The following RBFOX1 variants were observed in gnomAD, a reference collection of about 807,000 sequenced individuals.
RBFOX1 encodes RNA binding fox-1 homolog 1.
Under a neutral mutation model 57.7 loss-of-function variants are expected in RBFOX1, and 8 were observed. That is an observed-to-expected ratio of 0.14 (90% confidence interval 0.08 to 0.25). The LOEUF (loss-of-function observed/expected upper bound fraction) is 0.25, where lower values mean the gene tolerates loss of function less well. RBFOX1 is among the 10% of genes least tolerant of loss of function. The probability of loss-of-function intolerance (pLI) is 1.00; values close to 1 mark genes in which losing one functional copy is unlikely to be tolerated. For missense variants in RBFOX1, 611 were observed against 548.5 expected, an observed-to-expected ratio of 1.11 and a Z score of -1.14; for synonymous variants, 326 against 222.4, an observed-to-expected ratio of 1.47 and a Z score of -4.15.
intron 11 of RBFOX1, among the ~76,000 whole-genome samples, chr16:7,639,013 C>G (rs141063750): frequency 3.8e-4 from 57 of 151,388 alleles, no homozygotes; most frequent in African/African-American, 1.3e-3. Flanking sequence ...AGATAGGTAC[C>G]CTTCTCCTGG....
chr16:5,669,226 T>G (rs2049941855), intron 3 of RBFOX1, among the ~76,000 whole-genome samples: 1 of 152,040 alleles, frequency 6.6e-6, no homozygotes, highest in South Asian at 2.1e-4. Context: ...TGTCCTTTCC[T>G]TCTGTTTTTG....
At chr16:5,606,786 G>A (rs534309213) in intron 3 of RBFOX1, among the ~76,000 whole-genome samples, 11 of 152,214 alleles carry the variant, frequency 7.2e-5, no homozygotes, top group African/African-American at 1.2e-4. Flanking sequence ...AGTGGGAGTC[G>A]TAACACTGAT....
intron 4 of RBFOX1, among the ~76,000 whole-genome samples, chr16:7,374,993 G>A (rs1173296489): frequency 1.3e-5 from 2 of 152,216 alleles, no homozygotes; most frequent in Non-Finnish European, 2.9e-5. Context: ...GTCTTGGTGA[G>A]AGGAGATGTA....
chr16:6,435,784 C>T (rs1192654481), intron 2 of RBFOX1, among the ~76,000 whole-genome samples: 1 of 152,064 alleles, frequency 6.6e-6, no homozygotes, highest in Non-Finnish European at 1.5e-5. Context: ...CTAGATTGTT[C>T]ATTTTAATCA....
intron 1 of RBFOX1, among the ~76,000 whole-genome samples, chr16:6,145,951 A>G (rs370209327): frequency 2.6e-5 from 4 of 152,130 alleles, no homozygotes; most frequent in East Asian, 1.9e-4. Context: ...ATCCAGCTCT[A>G]TACTCTCCCA....
At chr16:7,394,235 C>CAAAAAAAA (rs59934126) in intron 4 of RBFOX1, among the ~76,000 whole-genome samples, 71 of 55,028 alleles carry the variant, frequency 1.3e-3, no homozygotes, top group African/African-American at 2.7e-3. Context: ...GACTCCGCAT[C>CAAAAAAAA]AAAAAAAAAA....
chr16:7,662,681 G>C (rs1323644746), intron 12 of RBFOX1, among the ~76,000 whole-genome samples: 1 of 152,174 alleles, frequency 6.6e-6, no homozygotes, highest in African/African-American at 2.4e-5. Flanking sequence ...AAATGATGCT[G>C]GTGTTCATAA....
intron 1 of RBFOX1, among the ~76,000 whole-genome samples, chr16:6,229,123 A>G (rs1444637170): frequency 6.6e-6 from 1 of 152,066 alleles, no homozygotes; most frequent in Non-Finnish European, 1.5e-5. Flanking sequence ...ATCCTCTGAG[A>G]CGTAGTTAAG....
chr16:7,366,456 G>A (rs993150314), intron 4 of RBFOX1, among the ~76,000 whole-genome samples: 1 of 152,132 alleles, frequency 6.6e-6, no homozygotes, highest in Non-Finnish European at 1.5e-5. Context: ...CCAGCCTTCT[G>A]CCTCCAGGCT....
At chr16:7,552,985 A>G (rs1035053858) in intron 5 of RBFOX1, among the ~76,000 whole-genome samples, 1 of 151,656 alleles carries the variant, frequency 6.6e-6, no homozygotes, top group African/African-American at 2.4e-5. Flanking sequence ...GACCGGCCTA[A>G]TTTGACACTC....
At chr16:6,565,821 A>G (rs964218992) in intron 2 of RBFOX1, among the ~76,000 whole-genome samples, 6 of 152,226 alleles carry the variant, frequency 3.9e-5, no homozygotes, top group Admixed American at 6.5e-5. Flanking sequence ...AAGAGCTGGA[A>G]GGATTAGCAG....
intron 4 of RBFOX1, among the ~76,000 whole-genome samples, chr16:7,253,336 G>T (rs974955909): frequency 2.0e-5 from 3 of 152,124 alleles, no homozygotes; most frequent in African/African-American, 7.2e-5. Context: ...AAGGAAGAGC[G>T]GAGACATGTC....
intron 1 of RBFOX1, among the ~76,000 whole-genome samples, chr16:6,307,354 C>T (rs865857755): frequency 1.3e-5 from 2 of 151,652 alleles, no homozygotes; most frequent in African/African-American, 4.9e-5. Context: ...TGCACTCTAG[C>T]CTGGGTGACA....
At chr16:5,467,321 A>G in intron 2 of RBFOX1, 2 of 1,421,564 alleles carry the variant, frequency 1.4e-6, no homozygotes, top group Non-Finnish European at 9.6e-7. Flanking sequence ...GCAATAGAAA[A>G]ATCTTGCGTC....
chr16:7,437,163 T>C (rs2098728627), intron 4 of RBFOX1, among the ~76,000 whole-genome samples: 1 of 152,140 alleles, frequency 6.6e-6, no homozygotes, highest in South Asian at 2.1e-4. Context: ...TTAATCTGTT[T>C]TATGATACTG....
At chr16:6,984,106 G>A (rs768465466) in intron 3 of RBFOX1, among the ~76,000 whole-genome samples, 4 of 152,154 alleles carry the variant, frequency 2.6e-5, no homozygotes, top group Non-Finnish European at 5.9e-5. Flanking sequence ...AATTAGCCGA[G>A]TATGATGGCA....
chr16:6,228,380 T>A (rs2097432903), intron 1 of RBFOX1, among the ~76,000 whole-genome samples: 2 of 151,312 alleles, frequency 1.3e-5, no homozygotes, highest in Admixed American at 6.6e-5. Flanking sequence ...ACAACCTAAG[T>A]GTCCCTGAAC....
intron 11 of RBFOX1, among the ~76,000 whole-genome samples, chr16:7,639,278 A>C (rs550624014): frequency 6.6e-6 from 1 of 152,248 alleles, no homozygotes; most frequent in East Asian, 1.9e-4. Flanking sequence ...CACACTTTCA[A>C]CAATGCTGGC....
chr16:6,873,545 T>G (rs1567661284), intron 3 of RBFOX1, among the ~76,000 whole-genome samples: 1 of 152,004 alleles, frequency 6.6e-6, no homozygotes, highest in East Asian at 1.9e-4. Flanking sequence ...ATTTTCAGCT[T>G]AAAAAAAAGA....
Sources: allele counts gnomAD v4.1 joint callset (sites outside exome capture counted in the v4.1 genomes callset), GRCh38; gene constraint gnomAD v4.1.1; transcripts MANE v1.5; gene names NCBI Gene and HGNC (gene_info 2026-07-23, HGNC 2026-07-21).